Variants in PPRC1 observed in about 807,000 individuals in gnomAD.
PPRC1 encodes peroxisome proliferator-activated receptor gamma coactivator-related protein 1.
PPRC1 carries 23 observed loss-of-function variants against 132.5 expected under a neutral mutation model. The ratio of observed to expected loss-of-function variants is 0.17; its 90% CI spans 0.12 to 0.25. The LOEUF (loss-of-function observed/expected upper bound fraction) is 0.25, where lower values mean the gene tolerates loss of function less well. Ranked by LOEUF, PPRC1 falls within the 10% of genes least tolerant of loss-of-function variation. The pLI, the probability that PPRC1 is intolerant of heterozygous loss-of-function variation, is 1.00. For synonymous variants in PPRC1, 872 were observed against 833.5 expected (o/e 1.05, Z -0.80); for missense variants, 2,006 against 2,089.1 (o/e 0.96, Z 0.78).
chr10:102,126,533 A>G, the PPRC1 span, among the ~76,000 whole-genome samples: 1 of 148,866 alleles, frequency 6.7e-6, no homozygotes, highest in African/African-American at 2.5e-5. Flanking sequence ...ATCTCAGCTC[A>G]GTGCAACCTC....
Position 102,141,837 on chromosome 10 carries a change from G to C in PPRC1, c.3329G>C (p.Arg1110Thr), listed in dbSNP as rs770456333. The C allele has an allele frequency of 6.2e-7, 1 of 1,614,054 alleles. No homozygotes were observed. The highest frequency in any genetic ancestry group is 8.5e-7 in the Non-Finnish European group (1 of 1,179,994). Residue 1110 changes from arginine to threonine, a missense_variant, in exon 5 of 14, where the codon AGG becomes ACG. Around this residue, in one of 2 missense-constraint regions of PPRC1, gnomAD observed 1,914 missense variants for 1,917.2 expected, o/e 1.00. Coordinates refer to ENST00000278070, the MANE Select transcript of PPRC1 (RefSeq NM_015062.5). The part of the protein sequence containing the change: ...LKPETQETRP[R>T]EKPPLPATKA... ...CCTGAGACCCAAGAGACCAGGCCCA[G>C]GGAGAAGCCCCCCTTGCCTGCTACC...
chr10:102,131,193 CA>C (rs1175316312), upstream of PPRC1, among the ~76,000 whole-genome samples: 2,437 of 80,692 alleles, frequency 0.03, 27 homozygotes, highest in African/African-American at 0.062. Flanking sequence ...CACTCCATCT[CA>C]AAAAAAAAAA....
upstream of PPRC1, among the ~76,000 whole-genome samples, chr10:102,129,723 G>C (rs2068513925): frequency 6.6e-6 from 1 of 152,130 alleles, no homozygotes; most frequent in Admixed American, 6.6e-5. Flanking sequence ...CCCTGCCTCA[G>C]CCTCCTGAGT....
chr10:102,131,063 T>C (rs895526805), upstream of PPRC1, among the ~76,000 whole-genome samples: 3 of 150,856 alleles, frequency 2.0e-5, no homozygotes, highest in African/African-American at 7.3e-5. Context: ...GGTGTGGTGG[T>C]GGGCACCTGT....
rs1166500852 is a variant in PPRC1, at chr10:102,148,528, A to G, written c.4550+7A>G. On this transcript the variant is annotated splice_region_variant and intron_variant, in intron 10 of 13. Transcript: ENST00000278070. This position sits in a 1 kb window ranked among gnomAD's most constrained non-coding sequence, Gnocchi z 4.2. ...GAAGTGACAGGAGGCGGCGGTGAGCATGTGTTCAGGGAGCGCCATGCACCT... is the reference window on the plus strand; with the variant it reads ...GAAGTGACAGGAGGCGGCGGTGAGCGTGTGTTCAGGGAGCGCCATGCACCT... 1.2e-6 allele frequency: 2 copies of G among 1,613,184 alleles called. No homozygotes were observed. Among genetic ancestry groups the G allele is most frequent in the South Asian group, 1.1e-5 (1 of 91,060 alleles).
upstream of PPRC1, among the ~76,000 whole-genome samples, chr10:102,128,621 T>C (rs76476565): frequency 6.6e-6 from 1 of 151,398 alleles, no homozygotes; most frequent in African/African-American, 2.4e-5. Flanking sequence ...TTTTTTTTTT[T>C]TCTTTTTTTT....
the PPRC1 span, chr10:102,120,221 G>GCCGGC: frequency 3.0e-5 from 30 of 987,814 alleles, no homozygotes; most frequent in Admixed American, 1.0e-3. Context: ...TGCGCTCGCC[G>GCCGGC]CCGGCCCGGC....
intron 1 of PPRC1, among the ~76,000 whole-genome samples, chr10:102,136,255 A>T (rs910897382): frequency 2.6e-5 from 4 of 151,430 alleles, no homozygotes; most frequent in Non-Finnish European, 5.9e-5. Context: ...GTCCTTAACC[A>T]GCCTTTCCTT....
chr10:102,142,716 T>C (rs919081508), intron 5 of PPRC1, among the ~76,000 whole-genome samples: 1 of 151,884 alleles, frequency 6.6e-6, no homozygotes, highest in Non-Finnish European at 1.5e-5. Flanking sequence ...CCTTGGCCTG[T>C]TTTTGTTTTT....
At chr10:102,137,330 T>G (rs971303279) in intron 1 of PPRC1, among the ~76,000 whole-genome samples, 2 of 152,096 alleles carry the variant, frequency 1.3e-5, no homozygotes, top group African/African-American at 4.8e-5. Context: ...CCAGAAAAGT[T>G]AATGCTGCAG....
In PPRC1 at chr10:102,141,592, T is replaced by G. The variant is rs759903198; in HGVS notation, c.3084T>G (p.Asn1028Lys). 6.2e-7 allele frequency: 1 copy of G among 1,613,996 alleles called. No individual in the cohort carries two copies. Among genetic ancestry groups the G allele is most frequent in the Non-Finnish European group, 8.5e-7 (1 of 1,179,980 alleles). Residue 1028 changes from asparagine (N) to lysine (K), a missense_variant, in exon 5 of 14, where the codon AAT (asparagine) becomes AAG (lysine). By Grantham distance (94) the Asn-to-Lys change is moderately conservative. This residue lies in a region of PPRC1 where 1,914 missense variants were observed against 1,917.2 expected (regional missense o/e 1.00). Transcript: ENST00000278070. ...GCACTCCAGCTGGCCCTCCTGAAAA[T>G]GTACTTCCCTTGTCGATGGCTCCTC... ...SRGTPAGPPE[N>K]VLPLSMAPPL...
In PPRC1 at chr10:102,145,529, C is replaced by G. The variant is rs943807586; in HGVS notation, c.3679+439C>G. Among the ~76,000 whole-genome samples, 3 of 149,804 alleles carry G rather than the reference C, an allele frequency of 2.0e-5. No homozygotes were observed. The Admixed American group carries it at 2.0e-4, about 10-fold the overall frequency. ...GAGGTTGCAGGGAGCTGAGATCGTG[C>G]CACTGCACTCCAGCCTGGGGGACAG... On this transcript the variant is annotated intron_variant, in intron 8 of 13. Transcript: ENST00000278070.
intron 6 of PPRC1, among the ~76,000 whole-genome samples, chr10:102,143,548 G>A (rs936908092): frequency 1.3e-5 from 2 of 149,652 alleles, no homozygotes; most frequent in South Asian, 2.1e-4. Flanking sequence ...GCAGTGAGCC[G>A]AGATCGTGCC....
chr10:102,130,392 G>GGGT (rs2068521180), upstream of PPRC1, among the ~76,000 whole-genome samples: 1 of 138,690 alleles, frequency 7.2e-6, no homozygotes, highest in Non-Finnish European at 1.5e-5. Flanking sequence ...ACTCCAGCCT[G>GGGT]GGTGACAGAG....
Position 102,141,132 on chromosome 10 carries a change from T to G in PPRC1, c.2624T>G (p.Met875Arg). Residue 875 changes from methionine to arginine, a missense_variant, in exon 5 of 14, where the codon ATG (methionine) becomes AGG (arginine). By Grantham distance (91) the Met-to-Arg change is moderately conservative. Around this residue, in one of 2 missense-constraint regions of PPRC1, gnomAD observed 1,914 missense variants for 1,917.2 expected, o/e 1.00. Transcript: ENST00000278070. ...CCTGCTGTGCCCACACCTCCCTCGA[T>G]GTCTGCTGCCCTGCCTTTCCCTGCA... ...VSPAVPTPPS[M>R]SAALPFPAGG... 1 of 1,613,912 alleles carries G rather than the reference T, an allele frequency of 6.2e-7. No individual in the cohort carries two copies. Among genetic ancestry groups the G allele is most frequent in the East Asian group, 2.2e-5 (1 of 44,886 alleles).
intron 1 of PPRC1, among the ~76,000 whole-genome samples, chr10:102,133,890 T>G (rs1266668226): frequency 6.6e-6 from 1 of 151,764 alleles, no homozygotes; most frequent in African/African-American, 2.4e-5. Flanking sequence ...GAGGTTTTTT[T>G]TTTCCCTGCT....
At chr10:102,142,652 G>C (rs2069046314) in intron 5 of PPRC1, among the ~76,000 whole-genome samples, 2 of 151,860 alleles carry the variant, frequency 1.3e-5, no homozygotes, top group African/African-American at 2.4e-5. Flanking sequence ...CTGACCTCGT[G>C]ATCCGCCTGC....
chr10:102,120,161 T>A, the PPRC1 span: 1 of 1,238,186 alleles, frequency 8.1e-7, no homozygotes, highest in Non-Finnish European at 1.0e-6. Context: ...TGCCCGCCCC[T>A]CGCGGGGACA....
At chr10:102,127,290 G>A in the PPRC1 span, among the ~76,000 whole-genome samples, 1 of 151,764 alleles carries the variant, frequency 6.6e-6, no homozygotes, top group Non-Finnish European at 1.5e-5. Flanking sequence ...TAGGAGAATC[G>A]CTTGAACCTG....
Sources: allele counts gnomAD v4.1 joint callset (sites outside exome capture counted in the v4.1 genomes callset), GRCh38; gene constraint gnomAD v4.1.1; regional missense constraint gnomAD v4.1.1; non-coding constraint Gnocchi (gnomAD v3.1); transcripts MANE v1.5; gene names NCBI Gene and HGNC (gene_info 2026-07-23, HGNC 2026-07-21).